Variants in HHIP observed in about 807,000 individuals in gnomAD.
The protein encoded by HHIP is hedgehog-interacting protein.
HHIP carries 12 observed loss-of-function variants against 74.0 expected under a neutral mutation model. That is an observed-to-expected ratio of 0.16 (90% CI 0.10 to 0.26). The LOEUF (loss-of-function observed/expected upper bound fraction) is 0.26, where lower values mean the gene tolerates loss of function less well. Ranked by LOEUF, HHIP falls within the 10% of genes least tolerant of loss-of-function variation. The pLI, the probability that HHIP is intolerant of heterozygous loss-of-function variation, is 1.00. For missense variants in HHIP, 788 were observed against 845.0 expected (o/e 0.93, Z 0.84); for synonymous variants, 309 against 311.6 (o/e 0.99, Z 0.09).
chr4:144,657,820 T>G, intron 2 of HHIP, among the ~76,000 whole-genome samples: 1 of 152,142 alleles, frequency 6.6e-6, no homozygotes, highest in Admixed American at 6.6e-5. Flanking sequence ...TAAATATAAT[T>G]TTTCTATTAC....
intron 11 of HHIP, among the ~76,000 whole-genome samples, chr4:144,728,741 A>G (rs72733555): frequency 6.6e-6 from 1 of 152,228 alleles, no homozygotes; most frequent in Non-Finnish European, 1.5e-5. Context: ...GTTGCTGTCA[A>G]TCCTGCCATG....
intron 4 of HHIP, among the ~76,000 whole-genome samples, chr4:144,698,086 A>G (rs1305452321): frequency 6.6e-6 from 1 of 152,158 alleles, no homozygotes; most frequent in African/African-American, 2.4e-5. Context: ...CTAAACATAG[A>G]TTTGACACGG....
chr4:144,704,388 C>T (rs2126650498), intron 4 of HHIP, among the ~76,000 whole-genome samples: 1 of 152,266 alleles, frequency 6.6e-6, no homozygotes, highest in Non-Finnish European at 1.5e-5. Flanking sequence ...ATGTCTCATT[C>T]TGTTTCCATA....
At chr4:144,708,087 T>C (rs570903295) in intron 6 of HHIP, 81 bp from the exon 7 acceptor site, 7 of 1,439,512 alleles carry the variant, frequency 4.9e-6, no homozygotes, top group Middle Eastern at 1.8e-4. Flanking sequence ...TTTTCATCAA[T>C]AGAGCAACCT....
chr4:144,659,671 G>C lies in HHIP; in HGVS notation c.664G>C (p.Val222Leu), dbSNP rs201311123. The C allele has an allele frequency of 3.9e-5, 60 of 1,551,416 alleles. No homozygotes were observed. Among genetic ancestry groups the C allele is most frequent in the Non-Finnish European group, 5.0e-5 (58 of 1,154,366 alleles). Residue 222 changes from valine (V) to leucine (L), a missense_variant, in exon 4 of 13, where the codon GTT becomes CTT. Physicochemically the swap from Val to Leu is conservative, Grantham distance 32 (BLOSUM62 1). Around this residue, in one of 3 missense-constraint regions of HHIP, gnomAD observed 373 missense variants for 366.4 expected, o/e 1.02. Transcript: ENST00000296575. ...ACACAACTGCTTCTGTATTCAGGAG[G>C]TTGTGAGTGGGCTGCGGCAGCCCGT... ...HKHNCFCIQE[V>L]VSGLRQPVGA...
intron 12 of HHIP, among the ~76,000 whole-genome samples, chr4:144,736,204 C>T (rs1357599266): frequency 1.4e-5 from 2 of 140,834 alleles, no homozygotes; most frequent in African/African-American, 2.6e-5. Flanking sequence ...GAGGCAATCT[C>T]GGCTCACCAC....
chr4:144,692,184 C>G (rs1729691648), intron 4 of HHIP, among the ~76,000 whole-genome samples: 1 of 151,916 alleles, frequency 6.6e-6, no homozygotes, highest in Non-Finnish European at 1.5e-5. Context: ...AGTTATCATG[C>G]CTTTACAATA....
At chr4:144,725,655 T>TGC (rs922139632) in intron 11 of HHIP, among the ~76,000 whole-genome samples, 3 of 144,052 alleles carry the variant, frequency 2.1e-5, no homozygotes, top group African/African-American at 8.3e-5. Flanking sequence ...TGTGGGTGTG[T>TGC]GCGCGTGCGT....
chr4:144,715,516 A>C (rs1560717470), intron 10 of HHIP, 86 bp downstream of exon 10: 1 of 1,264,368 alleles, frequency 7.9e-7, no homozygotes, highest in Non-Finnish European at 1.1e-6. Context: ...AAATACAGCA[A>C]TCTTATCCTC....
chr4:144,698,076 C>G (rs1729871602), intron 4 of HHIP, among the ~76,000 whole-genome samples: 1 of 152,030 alleles, frequency 6.6e-6, no homozygotes, highest in Non-Finnish European at 1.5e-5. Flanking sequence ...CTTGAAAATC[C>G]TAAACATAGA....
chr4:144,646,959 G>A lies in HHIP; in HGVS notation c.279+5G>A, dbSNP rs760733662. Reference sequence around the variant, plus strand: ...CTAGGGCGCCTGGAGAATAAGGTAGGCACTCACCGGCTTCACGGATGCGTA... The same window carrying A: ...CTAGGGCGCCTGGAGAATAAGGTAGACACTCACCGGCTTCACGGATGCGTA... On this transcript the variant is annotated splice_donor_5th_base_variant and intron_variant, in intron 1 of 12. Transcript: ENST00000296575. 1 of 1,589,692 alleles carries A rather than the reference G, an allele frequency of 6.3e-7. No homozygotes were observed. Among genetic ancestry groups the A allele is most frequent in the South Asian group, 1.1e-5 (1 of 87,812 alleles).
At chr4:144,659,142 T>C (rs910723424) in intron 3 of HHIP, among the ~76,000 whole-genome samples, 196 bp downstream of exon 3, 1 of 152,236 alleles carries the variant, frequency 6.6e-6, no homozygotes, top group Non-Finnish European at 1.5e-5. Flanking sequence ...ACTAATCGTA[T>C]ATTATGAGCT....
In HHIP at chr4:144,647,326, C is replaced by A. The variant is rs902080329; in HGVS notation, c.279+372C>A. ...AAATTAAGGTGGCTGTGGTTTCCGG[C>A]TTATTTTTCTAGGGTAAAAAGATTT... On this transcript the variant is annotated intron_variant, in intron 1 of 12. Transcript: ENST00000296575. 4.2e-5 allele frequency: 8 copies of A among 190,122 alleles called. No homozygotes were observed. In the South Asian group the frequency reaches 1.2e-3, roughly 29 times the overall value. 11.8% of individuals were successfully genotyped at this position (190,122 alleles called of 1,614,324 possible).
At chr4:144,669,659 A>C (rs1378667430) in intron 4 of HHIP, among the ~76,000 whole-genome samples, 1 of 152,196 alleles carries the variant, frequency 6.6e-6, no homozygotes, top group Non-Finnish European at 1.5e-5. Context: ...ATATGATCTA[A>C]ACTAATTCCA....
chr4:144,698,326 C>A (rs1424654952), intron 4 of HHIP, among the ~76,000 whole-genome samples: 1 of 152,202 alleles, frequency 6.6e-6, no homozygotes, highest in Admixed American at 6.5e-5. Context: ...ACCACATATA[C>A]AATGGTGGTC....
chr4:144,723,478 C>T (rs890757523), intron 11 of HHIP, among the ~76,000 whole-genome samples: 1 of 152,100 alleles, frequency 6.6e-6, no homozygotes, highest in African/African-American at 2.4e-5. Context: ...TCTGTTTATC[C>T]TTTGCATATA....
intron 7 of HHIP, among the ~76,000 whole-genome samples, chr4:144,711,184 G>A (rs982755288): frequency 1.1e-4 from 16 of 152,102 alleles, no homozygotes; most frequent in African/African-American, 3.9e-4. Flanking sequence ...CTATATTCCT[G>A]GAATTAAAGC....
rs1024963726 is a variant in HHIP, at chr4:144,741,580, C to T, written c.*3623C>T. 3.9e-5 allele frequency: 6 copies of T among 151,974 alleles called. No individual in the cohort carries two copies. The highest frequency in any genetic ancestry group is 8.8e-5 in the Non-Finnish European group (6 of 68,048). 9.4% of individuals were successfully genotyped at this position (151,974 alleles called of 1,614,324 possible). A position where few individuals can be genotyped will look rare whatever the true frequency, so the allele number is the denominator to read the frequency against. On this transcript the variant is annotated 3_prime_UTR_variant, in exon 13 of 13. Transcript: ENST00000296575. Reference sequence around the variant, plus strand: ...TGTTTTTAGTAGAGACAGGGTTTCACCATGTTGGCCAGGCTGATTTCAAAC... The same window carrying T: ...TGTTTTTAGTAGAGACAGGGTTTCATCATGTTGGCCAGGCTGATTTCAAAC...
intron 4 of HHIP, among the ~76,000 whole-genome samples, chr4:144,663,030 A>T (rs559273921): frequency 6.6e-6 from 1 of 152,314 alleles, no homozygotes; most frequent in African/African-American, 2.4e-5. Flanking sequence ...TCATGCCTGT[A>T]ATTCCAACAC....
Sources: allele counts gnomAD v4.1 joint callset (sites outside exome capture counted in the v4.1 genomes callset), GRCh38; gene constraint gnomAD v4.1.1; regional missense constraint gnomAD v4.1.1; transcripts MANE v1.5; gene names NCBI Gene and HGNC (gene_info 2026-07-23, HGNC 2026-07-21).